ITGAE: variants seen among roughly 807,000 people sequenced by gnomAD.
ITGAE encodes the protein integrin alpha-E.
In ITGAE, 99 loss-of-function variants were observed where a neutral mutation model predicts 136.5. The observed-to-expected ratio is 0.73, with a 90% CI of 0.62 to 0.86. The LOEUF (loss-of-function observed/expected upper bound fraction) is 0.86, where lower values mean the gene tolerates loss of function less well. Among genes scored for constraint, ITGAE ranks in the 40% least tolerant of loss-of-function variants. The pLI is 0.00. For synonymous variants in ITGAE, 613 were observed against 591.8 expected (o/e 1.04, Z -0.52); for missense variants, 1,447 against 1,515.3 (o/e 0.95, Z 0.75).
intron 3 of ITGAE, among the ~76,000 whole-genome samples, chr17:3,762,724 A>G (rs556316972): frequency 1.3e-5 from 2 of 149,630 alleles, no homozygotes; most frequent in Admixed American, 1.4e-4. Flanking sequence ...CAGCCTCCTG[A>G]GTAGCTGGGA....
chr17:3,732,296 A>C, intron 22 of ITGAE, 72 bp downstream of exon 22: 1 of 1,122,580 alleles, frequency 8.9e-7, no homozygotes, highest in South Asian at 1.2e-5. Flanking sequence ...CGAGAGATTG[A>C]GATGAGACCA....
chr17:3,734,309 G>A (rs1324055311), intron 21 of ITGAE, among the ~76,000 whole-genome samples: 1 of 151,980 alleles, frequency 6.6e-6, no homozygotes, highest in African/African-American at 2.4e-5. Context: ...TCCTGACCTC[G>A]TGATCCGCCC....
chr17:3,792,473 G>C (rs904307782), intron 1 of ITGAE, among the ~76,000 whole-genome samples: 1 of 152,100 alleles, frequency 6.6e-6, no homozygotes, highest in Non-Finnish European at 1.5e-5. Flanking sequence ...GGAATGATTT[G>C]TGGTGATTCA....
chr17:3,786,033 G>A (rs997950513), intron 1 of ITGAE, among the ~76,000 whole-genome samples: 1 of 151,954 alleles, frequency 6.6e-6, no homozygotes, highest in Non-Finnish European at 1.5e-5. Flanking sequence ...CGGGCGTGGT[G>A]GCGGGCGCCT....
rs758018435 is a variant in ITGAE, at chr17:3,727,938, T to C, written c.3065A>G (p.Lys1022Arg). Residue 1022 changes from lysine to arginine, a missense_variant, in exon 26 of 31, where the codon AAG becomes AGG. Physicochemically the swap from Lys to Arg is conservative, Grantham distance 26. This residue lies in a region of ITGAE where 1,031 missense variants were observed against 1,011.4 expected (regional missense o/e 1.02). Coordinates refer to ENST00000263087, the MANE Select transcript of ITGAE (RefSeq NM_002208.5). ...KLRGLQVVAV[K>R]KLTRTQASTV... ...AAATACCTGAGTCCTCGTCAGCTTCTTCACTGCTACAACCTGGAGACCTCG... is the reference window on the plus strand; with the variant it reads ...AAATACCTGAGTCCTCGTCAGCTTCCTCACTGCTACAACCTGGAGACCTCG... The C allele has an allele frequency of 1.2e-6, 2 of 1,613,262 alleles. No individual in the cohort carries two copies. Among genetic ancestry groups the C allele is most frequent in the Non-Finnish European group, 1.7e-6 (2 of 1,179,198 alleles).
rs139952835 is a variant in ITGAE, at chr17:3,753,876, C to T, written c.1434G>A (p.Ala478=). ...LHKTCSLSYI[A]GAPRYKHHGA... is the part of the protein sequence containing the mutation. ...CATGATGTTTGTACCGTGGAGCCCCCGCGATGTAGGAGAGGCTGCAGGTCT... is the reference window on the plus strand; with the variant it reads ...CATGATGTTTGTACCGTGGAGCCCCTGCGATGTAGGAGAGGCTGCAGGTCT... Residue 478 remains alanine, a synonymous_variant, in exon 13 of 31, where the codon GCG becomes GCA. Coordinates refer to ENST00000263087, the MANE Select transcript of ITGAE (RefSeq NM_002208.5). 1.3e-4 allele frequency: 217 copies of T among 1,613,994 alleles called. No individual in the cohort carries two copies. Among genetic ancestry groups the T allele is most frequent in the Non-Finnish European group, 1.6e-4 (187 of 1,180,008 alleles).
At chr17:3,778,424 G>A (rs866973524) in intron 1 of ITGAE, among the ~76,000 whole-genome samples, 3 of 152,078 alleles carry the variant, frequency 2.0e-5, no homozygotes, top group South Asian at 2.1e-4. Context: ...TTAGCTGGGC[G>A]CGGTGGCACG....
chr17:3,749,474 C>A (rs571793930), intron 16 of ITGAE, among the ~76,000 whole-genome samples: 7 of 151,944 alleles, frequency 4.6e-5, no homozygotes, highest in Non-Finnish European at 7.4e-5. Flanking sequence ...GGATGGTCTC[C>A]ATCTCCTGAC....
At chr17:3,796,786 G>C (rs1295683294) in intron 1 of ITGAE, among the ~76,000 whole-genome samples, 1 of 152,006 alleles carries the variant, frequency 6.6e-6, no homozygotes, top group African/African-American at 2.4e-5. Context: ...AGCACACCGG[G>C]CAATTTCAAC....
intron 14 of ITGAE, among the ~76,000 whole-genome samples, chr17:3,752,970 C>A (rs1418346016): frequency 6.6e-6 from 1 of 152,220 alleles, no homozygotes; most frequent in Admixed American, 6.5e-5. Flanking sequence ...ATTGCTTGAA[C>A]CCCGGAGGCA....
intron 2 of ITGAE, among the ~76,000 whole-genome samples, chr17:3,765,884 C>T (rs1047757627): frequency 6.6e-6 from 1 of 152,192 alleles, no homozygotes; most frequent in Non-Finnish European, 1.5e-5. Flanking sequence ...GGCTTCAATA[C>T]ACCTATAACG....
At chr17:3,750,557 T>G (rs1254587737) in intron 15 of ITGAE, 75 bp from the exon 16 acceptor site, 20 of 1,557,702 alleles carry the variant, frequency 1.3e-5, no homozygotes, top group Non-Finnish European at 1.8e-5. Context: ...TCATGATCTA[T>G]CCCGATCAGC....
chr17:3,748,360 A>G lies in ITGAE; in HGVS notation c.2025-308T>C, dbSNP rs9902548. 6.6e-5 allele frequency among the ~76,000 whole-genome samples: 10 copies of G among 151,764 alleles called. No homozygotes were observed. In the South Asian group the frequency reaches 1.9e-3, roughly 28 times the overall value. Reference sequence around the variant, plus strand: ...CCAGCACTTGGGAGGCCGAGGCGGGAGGATCACCTGAGGTCAGGGGTTCGA... The same window carrying G: ...CCAGCACTTGGGAGGCCGAGGCGGGGGGATCACCTGAGGTCAGGGGTTCGA... On this transcript the variant is annotated intron_variant, in intron 16 of 30. Coordinates refer to ENST00000263087, the MANE Select transcript of ITGAE (RefSeq NM_002208.5).
At chr17:3,720,620 C>T (rs989748504) in intron 28 of ITGAE, 23 of 367,530 alleles carry the variant, frequency 6.3e-5, no homozygotes, top group East Asian at 3.9e-4. Flanking sequence ...TTCGCTCTTT[C>T]GCCCAGGCTG....
chr17:3,724,827 G>A, intron 26 of ITGAE: 1 of 1,614,170 alleles, frequency 6.2e-7, no homozygotes, highest in Admixed American at 1.7e-5. Context: ...CACAGGCCAG[G>A]ACTCTTGTCA....
chr17:3,777,515 C>G (rs2052571423), intron 2 of ITGAE, 25 bp downstream of exon 2: 1 of 1,592,422 alleles, frequency 6.3e-7, no homozygotes, highest in Non-Finnish European at 8.6e-7. Context: ...AGTCTGAAGG[C>G]CTCTTGCCCA....
At chr17:3,722,695 G>A (rs1025270879) in intron 28 of ITGAE, among the ~76,000 whole-genome samples, 128 of 152,150 alleles carry the variant, frequency 8.4e-4, no homozygotes, top group Non-Finnish European at 1.6e-3. Flanking sequence ...ACTAGGAGAT[G>A]AAGTTGAAGA....
chr17:3,777,134 C>G (rs1244070177), intron 2 of ITGAE, among the ~76,000 whole-genome samples: 4 of 151,940 alleles, frequency 2.6e-5, no homozygotes, highest in Admixed American at 6.6e-5. Flanking sequence ...CTAATTTTTT[C>G]TATTTTTTAG....
chr17:3,774,787 G>T (rs535327133), intron 2 of ITGAE, among the ~76,000 whole-genome samples: 1 of 152,008 alleles, frequency 6.6e-6, no homozygotes, highest in African/African-American at 2.4e-5. Context: ...AATAGGTAAA[G>T]AAATAAATAA....
Sources: allele counts gnomAD v4.1 joint callset (sites outside exome capture counted in the v4.1 genomes callset), GRCh38; gene constraint gnomAD v4.1.1; regional missense constraint gnomAD v4.1.1; transcripts MANE v1.5; gene names NCBI Gene and HGNC (gene_info 2026-07-23, HGNC 2026-07-21).